ERG: variants seen among roughly 807,000 people sequenced by gnomAD.
ERG encodes ETS transcription factor ERG.
A neutral mutation model predicts 55.3 loss-of-function variants in ERG; 9 were observed. The observed-to-expected ratio is 0.16, with a 90% CI of 0.10 to 0.28. The LOEUF (loss-of-function observed/expected upper bound fraction) is 0.28, where lower values mean the gene tolerates loss of function less well. Ranked by LOEUF, ERG falls within the 10% of genes least tolerant of loss-of-function variation. The pLI is 1.00. For missense variants in ERG, 434 were observed against 631.6 expected, an observed-to-expected ratio of 0.69 and a Z score of 3.35; for synonymous variants, 223 against 237.3, an observed-to-expected ratio of 0.94 and a Z score of 0.55.
the ERG span, among the ~76,000 whole-genome samples, chr21:38,370,542 T>C: frequency 6.6e-6 from 1 of 152,130 alleles, no homozygotes; most frequent in Non-Finnish European, 1.5e-5. Context: ...CTAAAATGCT[T>C]TATAAGTTTA....
intron 1 of ERG, among the ~76,000 whole-genome samples, chr21:38,494,624 T>C (rs1325110677): frequency 6.6e-6 from 1 of 152,266 alleles, no homozygotes; most frequent in Non-Finnish European, 1.5e-5. Context: ...TAAAGATCTG[T>C]TTTGCAAAAC....
intron 1 of ERG, among the ~76,000 whole-genome samples, chr21:38,637,039 G>T (rs896923165): frequency 2.0e-5 from 3 of 152,180 alleles, no homozygotes; most frequent in Non-Finnish European, 4.4e-5. Context: ...CCCAGTGGGA[G>T]GCAGGCTTGG....
In ERG at chr21:38,382,624, G is replaced by A. The variant is rs979539223; in HGVS notation, c.*779C>T. ...TGTACACAGTCCCCAAATGTCCTGA[G>A]TCCAGTCTTCATTGCTTGAGAAGTT... On this transcript the variant is annotated 3_prime_UTR_variant, in exon 10 of 10. Coordinates refer to ENST00000288319, the MANE Select transcript of ERG (RefSeq NM_182918.4). 2 of 1,066,382 alleles carry A rather than the reference G, an allele frequency of 1.9e-6. No homozygotes were observed. The highest frequency in any genetic ancestry group is 1.6e-5 in the African/African-American group (1 of 61,064). 66.1% of individuals were successfully genotyped at this position (1,066,382 alleles called of 1,614,324 possible). A position where few individuals can be genotyped will look rare whatever the true frequency, so the allele number is the denominator to read the frequency against.
Position 38,380,583 on chromosome 21 carries a change from T to C in ERG, c.*2820A>G. 1 of 1,065,786 alleles carries C rather than the reference T, an allele frequency of 9.4e-7. No individual in the cohort carries two copies. Among genetic ancestry groups the C allele is most frequent in the East Asian group, 5.0e-5 (1 of 20,116 alleles). 66.0% of individuals were successfully genotyped at this position (1,065,786 alleles called of 1,614,324 possible). ...GGGACAAACAGAGAGAAAAGGTTCATGCAATTATGAATATGACCTGGAGGG... is the reference window on the plus strand; with the variant it reads ...GGGACAAACAGAGAGAAAAGGTTCACGCAATTATGAATATGACCTGGAGGG... On this transcript the variant is annotated 3_prime_UTR_variant, in exon 10 of 10. Transcript: ENST00000288319.
intron 2 of ERG, among the ~76,000 whole-genome samples, chr21:38,574,167 C>A (rs1015245945): frequency 2.0e-5 from 3 of 152,184 alleles, no homozygotes; most frequent in African/African-American, 4.8e-5. Flanking sequence ...TCCCTATGAG[C>A]TTTTCTTTGC....
upstream of ERG, chr21:38,498,622 A>C: frequency 1.4e-6 from 1 of 703,520 alleles, no homozygotes; most frequent in Non-Finnish European, 2.0e-6. The surrounding 1 kb of genome is among the most constrained non-coding windows in gnomAD (Gnocchi z 4.6). Flanking sequence ...TCTTGATGAT[A>C]TGCAGCCAGG....
chr21:38,494,860 G>A (rs561372053), intron 1 of ERG, among the ~76,000 whole-genome samples: 53 of 152,354 alleles, frequency 3.5e-4, no homozygotes, highest in African/African-American at 1.2e-3. Flanking sequence ...ACTGTGCTGT[G>A]TCCACAGAGG....
intron 1 of ERG, among the ~76,000 whole-genome samples, chr21:38,636,103 A>AT (rs145661452): frequency 0.17 from 26,055 of 152,000 alleles, 2,309 homozygotes; most frequent in East Asian, 0.29. Flanking sequence ...AGATCTAATG[A>AT]TTTTATCTGG....
intron 1 of ERG, among the ~76,000 whole-genome samples, chr21:38,453,262 C>T (rs774417880): frequency 1.4e-4 from 21 of 152,134 alleles, no homozygotes; most frequent in Non-Finnish European, 2.4e-4. Context: ...GGAAAATGAA[C>T]GTTTGCAAAA....
intron 1 of ERG, among the ~76,000 whole-genome samples, chr21:38,484,180 G>T (rs1293752942): frequency 6.6e-6 from 1 of 152,122 alleles, no homozygotes; most frequent in Non-Finnish European, 1.5e-5. Flanking sequence ...GCCCAGGCTG[G>T]TCGTGAACTC....
At chr21:38,611,118 G>A (rs1011316339) in intron 1 of ERG, among the ~76,000 whole-genome samples, 8 of 152,052 alleles carry the variant, frequency 5.3e-5, no homozygotes, top group Non-Finnish European at 5.9e-5. Flanking sequence ...CTCGTGCCAC[G>A]CATCCAAACC....
intron 1 of ERG, among the ~76,000 whole-genome samples, chr21:38,456,274 A>C (rs1261224412): frequency 6.6e-6 from 1 of 152,092 alleles, no homozygotes. Flanking sequence ...CCAGACTTTA[A>C]TTTTCCTCAA....
In ERG at chr21:38,581,033, C is replaced by A. The variant is rs1601274322; in HGVS notation, c.-127+3811G>T. Among the ~76,000 whole-genome samples, 8 of 152,306 alleles carry A rather than the reference C, an allele frequency of 5.3e-5. No individual in the cohort carries two copies. The South Asian group carries it at 1.7e-3, about 32-fold the overall frequency. On this transcript the variant is annotated intron_variant, in intron 1 of 8. Transcript: ENST00000398897. ...ATGCTCCCTGCTCATCTTTCAGACC[C>A]AGGGAAACACACACAAGATCTTCCC... is the stretch of plus-strand genomic sequence containing the variant.
Position 38,382,323 on chromosome 21 carries a change from T to C in ERG, c.*1080A>G, listed in dbSNP as rs1052710049. On this transcript the variant is annotated 3_prime_UTR_variant, in exon 10 of 10. Coordinates refer to ENST00000288319, the MANE Select transcript of ERG (RefSeq NM_182918.4). ...AAAACTGGAGGCCGCCTACCCAAAA[T>C]GCCTGCGTGATTTCTGATTGTGGCA... 3.7e-5 allele frequency: 39 copies of C among 1,056,996 alleles called. No homozygotes were observed. Among genetic ancestry groups the C allele is most frequent in the Non-Finnish European group, 6.9e-6 (6 of 873,952 alleles). 65.5% of individuals were successfully genotyped at this position (1,056,996 alleles called of 1,614,324 possible). A position where few individuals can be genotyped will look rare whatever the true frequency, so the allele number is the denominator to read the frequency against.
chr21:38,394,415 C>T (rs1337851085), intron 6 of ERG, among the ~76,000 whole-genome samples: 7 of 151,604 alleles, frequency 4.6e-5, no homozygotes, highest in African/African-American at 9.7e-5. Context: ...TGCAGTGGCG[C>T]GATCTCGGCT....
intron 2 of ERG, among the ~76,000 whole-genome samples, chr21:38,442,846 C>T (rs1380876030): frequency 2.6e-5 from 4 of 152,204 alleles, no homozygotes; most frequent in South Asian, 2.1e-4. Context: ...TTCTCTCTGT[C>T]GCCCAGGCTG....
chr21:38,402,639 T>TACAAA lies in ERG; in HGVS notation c.593-7_593-3dup, dbSNP rs1569068356. ...CTGAAGTCAAATGTGGAAGAGGAGC[T>TACAAA]ACAAAACAAAACAAAAAGCGACATC... On this transcript the variant is annotated splice_polypyrimidine_tract_variant and splice_region_variant and intron_variant, in intron 4 of 9. Coordinates refer to ENST00000288319, the MANE Select transcript of ERG (RefSeq NM_182918.4). 7.1e-7 allele frequency: 1 copy of TACAAA among 1,406,422 alleles called. No individual in the cohort carries two copies. 87.1% of individuals were successfully genotyped at this position (1,406,422 alleles called of 1,614,324 possible).
intron 7 of ERG, among the ~76,000 whole-genome samples, chr21:38,392,142 G>A (rs561658714): frequency 2.0e-5 from 3 of 152,214 alleles, no homozygotes; most frequent in Non-Finnish European, 2.9e-5. Context: ...ACATGCATTT[G>A]TGAAGGTTGA....
chr21:38,659,075 T>A (rs911670583), intron 1 of ERG, among the ~76,000 whole-genome samples: 1 of 152,236 alleles, frequency 6.6e-6, no homozygotes, highest in African/African-American at 2.4e-5. Flanking sequence ...TTATAAGTGC[T>A]ACTGGAATTA....
Sources: gnomAD v4.1 joint callset for allele counts (sites outside exome capture counted in the v4.1 genomes callset) on GRCh38, gnomAD v4.1.1 for gene constraint, Gnocchi (gnomAD v3.1) non-coding constraint, MANE v1.5 for transcripts, NCBI Gene and HGNC (gene_info 2026-07-23, HGNC 2026-07-21) for gene names.